The following ST3GAL3 variants were observed in gnomAD, a reference collection of about 807,000 sequenced individuals.
ST3GAL3 encodes CMP-N-acetylneuraminate-beta-1,4-galactoside alpha-2,3-sialyltransferase.
A neutral mutation model predicts 50.1 loss-of-function variants in ST3GAL3; 21 were observed. The ratio of observed to expected loss-of-function variants is 0.42; its 90% CI spans 0.30 to 0.60. The LOEUF (loss-of-function observed/expected upper bound fraction) is 0.60, where lower values mean the gene tolerates loss of function less well. ST3GAL3 is among the 20% of genes least tolerant of loss of function. The pLI, the probability that ST3GAL3 is intolerant of heterozygous loss-of-function variation, is 0.19. For synonymous variants in ST3GAL3, 183 were observed against 190.0 expected (o/e 0.96, Z 0.30); for missense variants, 353 against 489.4 (o/e 0.72, Z 2.63).
intron 2 of ST3GAL3, among the ~76,000 whole-genome samples, chr1:43,741,821 G>A (rs903493816): frequency 4.6e-5 from 7 of 152,274 alleles, no homozygotes; most frequent in African/African-American, 9.6e-5. Flanking sequence ...CGAGGTGAGC[G>A]CCACATTTGC....
chr1:43,786,902 T>C (rs2057413259), intron 2 of ST3GAL3, among the ~76,000 whole-genome samples: 1 of 152,210 alleles, frequency 6.6e-6, no homozygotes, highest in African/African-American at 2.4e-5. Flanking sequence ...TTTCTTTTAG[T>C]TCATTTTTAC....
At chr1:43,859,984 C>A (rs970075155) in intron 5 of ST3GAL3, among the ~76,000 whole-genome samples, 1 of 152,208 alleles carries the variant, frequency 6.6e-6, no homozygotes, top group Non-Finnish European at 1.5e-5. Flanking sequence ...CCATCTCAAA[C>A]CCCCTGCCTC....
chr1:43,817,182 T>G (rs375958938), intron 4 of ST3GAL3, among the ~76,000 whole-genome samples: 3 of 152,226 alleles, frequency 2.0e-5, no homozygotes, highest in African/African-American at 7.2e-5. Flanking sequence ...CCAATTTTCC[T>G]TTATGAAAAA....
At position 43,844,717 on chromosome 1, in the gene ST3GAL3, C is replaced by T. The variant is rs576775837; in HGVS notation, c.302+6406C>T. On this transcript the variant is annotated intron_variant, in intron 5 of 11. Coordinates refer to ENST00000347631, the MANE Select transcript of ST3GAL3 (RefSeq NM_006279.5). Reference sequence around the variant, plus strand: ...TGGCGGGCGCCTGTAGTCCCAGCTACTCTGGAGGCTGAGGCAGGAGAATGG... The same window carrying T: ...TGGCGGGCGCCTGTAGTCCCAGCTATTCTGGAGGCTGAGGCAGGAGAATGG... Among the ~76,000 whole-genome samples the T allele has an allele frequency of 5.9e-5, 9 of 152,160 alleles. No homozygotes were observed. The South Asian group carries it at 1.9e-3, about 32-fold the overall frequency.
chr1:43,850,415 G>T, intron 5 of ST3GAL3: 1 of 577,096 alleles, frequency 1.7e-6, no homozygotes, highest in Non-Finnish European at 3.4e-6. Context: ...ACTCTTTCAG[G>T]GTGGCTCTGA....
intron 2 of ST3GAL3, among the ~76,000 whole-genome samples, chr1:43,744,655 A>AAATAAATAAATAAATAAAGAAAT (rs758984209): frequency 7.1e-6 from 1 of 140,944 alleles, no homozygotes; most frequent in Non-Finnish European, 1.5e-5. Flanking sequence ...TCCCTCTCAA[A>AAATAAATAAATAAATAAAGAAAT]AAATAAATAA....
intron 2 of ST3GAL3, among the ~76,000 whole-genome samples, chr1:43,753,551 G>A (rs903145414): frequency 6.6e-6 from 1 of 152,212 alleles, no homozygotes; most frequent in African/African-American, 2.4e-5. Context: ...GAGAGGGTAT[G>A]TGATGGTGGG....
intron 9 of ST3GAL3, among the ~76,000 whole-genome samples, chr1:43,911,541 G>GTAGCTATAGATATCTATAGACATATCTT (rs1472942877): frequency 6.6e-6 from 1 of 150,708 alleles, no homozygotes; most frequent in African/African-American, 2.4e-5. Flanking sequence ...AGACATATCT[G>GTAGCTATAGATATCTATAGACATATCTT]TAGCTATAGA....
intron 9 of ST3GAL3, among the ~76,000 whole-genome samples, chr1:43,917,436 C>CATATATAATATATAATATATAAT (rs1454264763): frequency 1.0e-5 from 1 of 97,260 alleles, no homozygotes; most frequent in African/African-American, 4.0e-5. Flanking sequence ...TACTATCTTG[C>CATATATAATATATAATATATAAT]ATATATAATA....
intron 5 of ST3GAL3, chr1:43,879,417 C>G: frequency 2.2e-6 from 1 of 456,170 alleles, no homozygotes; most frequent in Non-Finnish European, 4.4e-6. Flanking sequence ...AGAATGGACT[C>G]TGAGAGAAAG....
intron 1 of ST3GAL3, among the ~76,000 whole-genome samples, chr1:43,725,924 C>T (rs957804469): frequency 6.6e-6 from 1 of 152,126 alleles, no homozygotes; most frequent in Non-Finnish European, 1.5e-5. Flanking sequence ...GGATTACAGG[C>T]GTGAGCCATC....
intron 2 of ST3GAL3, among the ~76,000 whole-genome samples, chr1:43,746,677 T>TG (rs1683822850): frequency 6.6e-6 from 1 of 151,936 alleles, no homozygotes; most frequent in African/African-American, 2.4e-5. Flanking sequence ...TTGGCCAGGA[T>TG]GGTCTCAATC....
chr1:43,801,432 G>A (rs1002262340), intron 3 of ST3GAL3: 5 of 454,942 alleles, frequency 1.1e-5, no homozygotes, highest in Admixed American at 4.7e-5. Flanking sequence ...TAGCCTGAAG[G>A]TGAGGCTACA....
intron 4 of ST3GAL3, among the ~76,000 whole-genome samples, chr1:43,816,113 T>C (rs917990914): frequency 3.9e-5 from 6 of 152,208 alleles, no homozygotes; most frequent in African/African-American, 1.2e-4. Context: ...TTTGTGCACC[T>C]GTGTCCCCTG....
intron 5 of ST3GAL3, among the ~76,000 whole-genome samples, chr1:43,859,131 G>A (rs996671575): frequency 6.6e-6 from 1 of 152,192 alleles, no homozygotes; most frequent in Admixed American, 6.5e-5. Context: ...GGGCCACGTG[G>A]CCTCTGTTCT....
chr1:43,850,923 A>G, intron 5 of ST3GAL3: 1 of 1,183,070 alleles, frequency 8.5e-7, no homozygotes, highest in South Asian at 1.2e-5. Flanking sequence ...CTTGGGATCC[A>G]TACTTTGCCC....
chr1:43,877,184 G>T (rs2074276615), intron 5 of ST3GAL3, among the ~76,000 whole-genome samples: 1 of 152,212 alleles, frequency 6.6e-6, no homozygotes, highest in Non-Finnish European at 1.5e-5. Context: ...TGAGCCCCTG[G>T]ACTGAAGAAG....
chr1:43,711,715 C>G (rs375462605), intron 1 of ST3GAL3, among the ~76,000 whole-genome samples: 1 of 152,186 alleles, frequency 6.6e-6, no homozygotes, highest in Non-Finnish European at 1.5e-5. Context: ...TCTGTTACAT[C>G]CGAGTTATGA....
chr1:43,787,145 G>A (rs1255501891), intron 2 of ST3GAL3, among the ~76,000 whole-genome samples: 1 of 152,190 alleles, frequency 6.6e-6, no homozygotes, highest in Admixed American at 6.5e-5. Flanking sequence ...ATTGAACAAA[G>A]TCATGTGCAG....
Sources: gnomAD v4.1 joint callset for allele counts (sites outside exome capture counted in the v4.1 genomes callset) on GRCh38, gnomAD v4.1.1 for gene constraint, MANE v1.5 for transcripts, NCBI Gene and HGNC (gene_info 2026-07-23, HGNC 2026-07-21) for gene names.